The following CABLES1 variants were observed in gnomAD, a reference collection of about 807,000 sequenced individuals.
CABLES1 encodes Cdk5 and Abl enzyme substrate 1.
A neutral mutation model predicts 57.8 loss-of-function variants in CABLES1; 36 were observed. The ratio of observed to expected loss-of-function variants is 0.62; its 90% CI spans 0.48 to 0.82. The LOEUF is 0.82. Ranked by LOEUF, CABLES1 falls within the 40% of genes least tolerant of loss-of-function variation. The pLI, the probability that CABLES1 is intolerant of heterozygous loss-of-function variation, is 0.00. For missense variants in CABLES1, 767 were observed against 836.6 expected (o/e 0.92, Z 1.03); for synonymous variants, 374 against 363.0 (o/e 1.03, Z -0.35).
chr18:23,181,799 A>G (rs1235895715), intron 1 of CABLES1, among the ~76,000 whole-genome samples: 1 of 152,238 alleles, frequency 6.6e-6, no homozygotes, highest in Non-Finnish European at 1.5e-5. Context: ...AGAGAAAGAC[A>G]TAAGTACCAA....
At chr18:23,155,906 C>A in intron 1 of CABLES1, 1 of 1,614,058 alleles carries the variant, frequency 6.2e-7, no homozygotes. Flanking sequence ...TCCTTGAATG[C>A]TTTCTAAGAG....
chr18:23,173,800 G>A (rs1468983386), intron 1 of CABLES1, among the ~76,000 whole-genome samples: 3 of 151,990 alleles, frequency 2.0e-5, no homozygotes, highest in Admixed American at 1.3e-4. Flanking sequence ...TGTCTTTACA[G>A]AAAATACAAA....
chr18:23,229,200 T>C (rs796114304), intron 4 of CABLES1, among the ~76,000 whole-genome samples: 16 of 152,072 alleles, frequency 1.1e-4, no homozygotes, highest in African/African-American at 3.9e-4. Flanking sequence ...ATCAACTGAG[T>C]TCAGGGGTTC....
chr18:23,257,559 A>G lies in CABLES1; in HGVS notation c.*192A>G, dbSNP rs545983900. On this transcript the variant is annotated 3_prime_UTR_variant, in exon 10 of 10. Coordinates refer to ENST00000256925, the MANE Select transcript of CABLES1 (RefSeq NM_001100619.3). ...GTGTAGCCAAGAGGAGCCATGAGCT[A>G]TGGACTCCTCAAGCACGGGAAGAGG... is the stretch of plus-strand genomic sequence containing the variant. The G allele has an allele frequency of 2.1e-5, 12 of 564,464 alleles. No homozygotes were observed. The highest frequency in any genetic ancestry group is 1.7e-4 in the African/African-American group (9 of 51,580). The allele number at this position is 564,464 out of a possible 1,614,324, so 35.0% of individuals were successfully genotyped here.
chr18:23,187,871 A>G (rs1272457487), intron 1 of CABLES1, among the ~76,000 whole-genome samples: 1 of 152,226 alleles, frequency 6.6e-6, no homozygotes, highest in South Asian at 2.1e-4. Context: ...CAAAAACAAA[A>G]AAACACCAAA....
At chr18:23,254,517 T>C (rs991744356) in intron 9 of CABLES1, among the ~76,000 whole-genome samples, 8 of 152,228 alleles carry the variant, frequency 5.3e-5, no homozygotes, top group Middle Eastern at 3.2e-3. Context: ...ATTGAGAAGA[T>C]AGTTTGTTAC....
intron 1 of CABLES1, among the ~76,000 whole-genome samples, chr18:23,140,084 C>G (rs955517930): frequency 6.6e-6 from 1 of 152,180 alleles, no homozygotes. Context: ...ACTGGGAAGC[C>G]AACAGGCTGG....
intron 7 of CABLES1, among the ~76,000 whole-genome samples, chr18:23,240,503 G>A (rs2047708622): frequency 6.6e-6 from 1 of 152,234 alleles, no homozygotes; most frequent in African/African-American, 2.4e-5. Flanking sequence ...GCCAGGTTGT[G>A]GAATGCCCTC....
At chr18:23,210,122 A>G (rs1376953926) in intron 3 of CABLES1, among the ~76,000 whole-genome samples, 1 of 151,062 alleles carries the variant, frequency 6.6e-6, no homozygotes, top group Admixed American at 6.6e-5. Context: ...TGCTTTGTCC[A>G]TGTGGGCTAT....
chr18:23,254,201 A>G (rs2048108530), intron 9 of CABLES1, among the ~76,000 whole-genome samples: 2 of 152,238 alleles, frequency 1.3e-5, no homozygotes, highest in African/African-American at 2.4e-5. Flanking sequence ...AGATGCAATC[A>G]TTCCCACAGC....
intron 3 of CABLES1, among the ~76,000 whole-genome samples, chr18:23,200,973 A>ATGAGTGATT (rs562729706): frequency 6.6e-4 from 100 of 152,284 alleles, no homozygotes; most frequent in African/African-American, 2.2e-3. Context: ...TGCAGCATAG[A>ATGAGTGATT]TGAGTGATTT....
intron 4 of CABLES1, among the ~76,000 whole-genome samples, chr18:23,226,196 G>A (rs1461042068): frequency 1.3e-5 from 2 of 152,198 alleles, no homozygotes; most frequent in African/African-American, 4.8e-5. Flanking sequence ...AAGGTCAGGA[G>A]TTCAAGACCA....
At chr18:23,173,841 G>A (rs2047101006) in intron 1 of CABLES1, among the ~76,000 whole-genome samples, 1 of 152,126 alleles carries the variant, frequency 6.6e-6, no homozygotes, top group African/African-American at 2.4e-5. Context: ...GCATGTGCCT[G>A]TAGTCCCAGC....
chr18:23,174,393 CTT>C (rs1304365598), intron 1 of CABLES1, among the ~76,000 whole-genome samples: 1 of 151,960 alleles, frequency 6.6e-6, no homozygotes, highest in East Asian at 1.9e-4. Context: ...TTGTATATGT[CTT>C]TGTGTGGATG....
chr18:23,149,113 C>T (rs2046911217), intron 1 of CABLES1, among the ~76,000 whole-genome samples: 1 of 152,004 alleles, frequency 6.6e-6, no homozygotes, highest in African/African-American at 2.4e-5. Flanking sequence ...AGGCTGGTCC[C>T]CAACTCCTGA....
intron 4 of CABLES1, among the ~76,000 whole-genome samples, chr18:23,224,804 C>T (rs1399822932): frequency 1.3e-5 from 2 of 152,176 alleles, no homozygotes; most frequent in Non-Finnish European, 1.5e-5. Context: ...CTCCTGACCT[C>T]GTGATCTGCC....
chr18:23,182,444 G>A, intron 1 of CABLES1, among the ~76,000 whole-genome samples: 1 of 152,130 alleles, frequency 6.6e-6, no homozygotes, highest in East Asian at 1.9e-4. Context: ...CCCGCCTTTG[G>A]CCTGCACAGA....
intron 1 of CABLES1, among the ~76,000 whole-genome samples, chr18:23,181,195 G>A (rs1039922309): frequency 6.6e-6 from 1 of 152,094 alleles, no homozygotes; most frequent in Non-Finnish European, 1.5e-5. Flanking sequence ...ATTAAAGAAA[G>A]CGGCCCTAGG....
At chr18:23,237,739 T>G (rs1173789763) in intron 7 of CABLES1, among the ~76,000 whole-genome samples, 1 of 152,216 alleles carries the variant, frequency 6.6e-6, no homozygotes, top group Non-Finnish European at 1.5e-5. Context: ...CTCTGCTGTT[T>G]TTATTTCATG....
Sources: gnomAD v4.1 joint callset for allele counts (sites outside exome capture counted in the v4.1 genomes callset) on GRCh38, gnomAD v4.1.1 for gene constraint, MANE v1.5 for transcripts, NCBI Gene and HGNC (gene_info 2026-07-23, HGNC 2026-07-21) for gene names.